Variants in FOXN2 observed in about 807,000 individuals in gnomAD.
FOXN2 encodes forkhead box N2, also known as forkhead box protein N2.
A neutral mutation model predicts 41.2 loss-of-function variants in FOXN2; 19 were observed. The ratio of observed to expected loss-of-function variants is 0.46; its 90% CI spans 0.32 to 0.68. The LOEUF is 0.68. Ranked by LOEUF, FOXN2 falls within the 30% of genes least tolerant of loss-of-function variation. The probability of loss-of-function intolerance (pLI) is 0.03; values close to 1 mark genes in which losing one functional copy is unlikely to be tolerated. For synonymous variants in FOXN2, 195 were observed against 176.8 expected (o/e 1.10, Z -0.82); for missense variants, 587 against 509.4 (o/e 1.15, Z -1.47).
At chr2:48,337,291 C>CTTTT (rs368224826) in intron 2 of FOXN2, among the ~76,000 whole-genome samples, 1 of 140,546 alleles carries the variant, frequency 7.1e-6, no homozygotes. Context: ...GATTGGATCT[C>CTTTT]TTTTTTTTTT....
intron 3 of FOXN2, among the ~76,000 whole-genome samples, chr2:48,348,532 A>G (rs996654939): frequency 2.0e-5 from 3 of 152,182 alleles, no homozygotes; most frequent in Admixed American, 6.6e-5. Context: ...TATGTATTTT[A>G]TAATTTTGGA....
chr2:48,351,311 T>C (rs1346581386), intron 3 of FOXN2, among the ~76,000 whole-genome samples: 1 of 152,162 alleles, frequency 6.6e-6, no homozygotes, highest in Admixed American at 6.5e-5. Context: ...AGAGTCTCCC[T>C]CTATCGCCCA....
At chr2:48,336,536 A>G (rs1463503782) in intron 2 of FOXN2, among the ~76,000 whole-genome samples, 1 of 151,880 alleles carries the variant, frequency 6.6e-6, no homozygotes, top group Non-Finnish European at 1.5e-5. Context: ...ATAAGGTGAC[A>G]TTTCAGTGAT....
chr2:48,344,607 A>G (rs980453753), intron 2 of FOXN2, among the ~76,000 whole-genome samples: 1 of 152,236 alleles, frequency 6.6e-6, no homozygotes, highest in African/African-American at 2.4e-5. Context: ...TAAATTGTTT[A>G]GCACAATGCC....
At chr2:48,373,019 T>C (rs1331417330) in intron 5 of FOXN2, among the ~76,000 whole-genome samples, 3 of 152,120 alleles carry the variant, frequency 2.0e-5, no homozygotes, top group Non-Finnish European at 4.4e-5. Flanking sequence ...TTCGTTTTCA[T>C]TGTGAATAAT....
At chr2:48,315,530 G>C (rs1419488032) in intron 1 of FOXN2, among the ~76,000 whole-genome samples, 1 of 152,158 alleles carries the variant, frequency 6.6e-6, no homozygotes, top group African/African-American at 2.4e-5. Flanking sequence ...CGCCTCCTTT[G>C]GGGCCGTGGT....
At chr2:48,317,293 A>G (rs1668981127) in intron 1 of FOXN2, among the ~76,000 whole-genome samples, 1 of 152,048 alleles carries the variant, frequency 6.6e-6, no homozygotes, top group Admixed American at 6.5e-5. Flanking sequence ...TACCAAAAAT[A>G]CAAAAATTAG....
chr2:48,355,126 A>ATT (rs1313176204), intron 3 of FOXN2, among the ~76,000 whole-genome samples: 2 of 152,166 alleles, frequency 1.3e-5, no homozygotes, highest in African/African-American at 4.8e-5. Flanking sequence ...CAGTGGTATT[A>ATT]TTTTTAGTAA....
intron 2 of FOXN2, among the ~76,000 whole-genome samples, chr2:48,331,187 A>G (rs1193905105): frequency 2.0e-5 from 3 of 152,222 alleles, no homozygotes; most frequent in African/African-American, 4.8e-5. Context: ...TTGGGCTATC[A>G]AGAATTGACT....
intron 5 of FOXN2, among the ~76,000 whole-genome samples, chr2:48,370,484 T>C (rs1451261421): frequency 6.6e-6 from 1 of 152,206 alleles, no homozygotes; most frequent in Non-Finnish European, 1.5e-5. Flanking sequence ...GTAGCCTACC[T>C]TCTCCTTCAG....
At chr2:48,340,359 A>G (rs1232701620) in intron 2 of FOXN2, among the ~76,000 whole-genome samples, 1 of 152,172 alleles carries the variant, frequency 6.6e-6, no homozygotes, top group African/African-American at 2.4e-5. Context: ...CTAAGCAAAA[A>G]TGCTCTCCTA....
At chr2:48,339,588 G>A (rs555239310) in intron 2 of FOXN2, among the ~76,000 whole-genome samples, 2 of 152,172 alleles carry the variant, frequency 1.3e-5, no homozygotes, top group Admixed American at 6.5e-5. Flanking sequence ...GTGTAGAAAC[G>A]GACTAATACA....
At chr2:48,314,543 C>T (rs997815626), upstream of FOXN2, 45 of 152,236 alleles carry the variant, frequency 3.0e-4, no homozygotes, top group Admixed American at 2.9e-3. Flanking sequence ...GCCGAGCCCC[C>T]TTCCTCGGGG....
chr2:48,347,496 G>T (rs1671186567), intron 3 of FOXN2, among the ~76,000 whole-genome samples: 1 of 151,448 alleles, frequency 6.6e-6, no homozygotes, highest in Non-Finnish European at 1.5e-5. Flanking sequence ...CAAAGTGTTG[G>T]GATTACAAGT....
chr2:48,368,797 T>A (rs551728086), intron 5 of FOXN2, among the ~76,000 whole-genome samples: 1 of 152,364 alleles, frequency 6.6e-6, no homozygotes, highest in African/African-American at 2.4e-5. Flanking sequence ...TTCAAGACTG[T>A]ACCTTGGACA....
Position 48,352,235 on chromosome 2 carries a change from CAG to C in FOXN2, c.537+5488_537+5489del, listed in dbSNP as rs150663687. 6.6e-3 allele frequency among the ~76,000 whole-genome samples: 1,004 copies of C among 152,298 alleles called. 14 individuals are homozygous for C. Among genetic ancestry groups the C allele is most frequent in the African/African-American group, 0.023 (942 of 41,556 alleles). On this transcript the variant is annotated intron_variant, in intron 3 of 6. Transcript: ENST00000340553. The stretch of plus-strand genomic sequence containing the variant: ...GTTACAGTTAGTAGTACCATGCAAA[CAG>C]AGATAGTTTCAGTGAAGATGTGGGA...
intron 1 of FOXN2, among the ~76,000 whole-genome samples, chr2:48,318,099 G>C (rs1669055145): frequency 6.6e-6 from 1 of 151,942 alleles, no homozygotes; most frequent in South Asian, 2.1e-4. Context: ...TAGTTTTATA[G>C]TTACAGAAAA....
chr2:48,335,227 TAAA>T (rs554693756), intron 2 of FOXN2, among the ~76,000 whole-genome samples: 73 of 152,290 alleles, frequency 4.8e-4, no homozygotes, highest in Non-Finnish European at 9.0e-4. Flanking sequence ...GTAACAGGCT[TAAA>T]AATGAAGAAA....
rs1171863565 is a variant in FOXN2, at chr2:48,374,967, T to C, written c.820T>C (p.Tyr274His). 5 of 1,613,724 alleles carry C rather than the reference T, an allele frequency of 3.1e-6. No homozygotes were observed. The highest frequency in any genetic ancestry group is 4.2e-6 in the Non-Finnish European group (5 of 1,179,850). ...LKTALQKKRS[Y>H]GNAFHHPSAV... ...AACAGCATTGCAAAAAAAGAGGAGTTACGGCAATGCATTTCATCATCCCAG... is the reference window on the plus strand; with the variant it reads ...AACAGCATTGCAAAAAAAGAGGAGTCACGGCAATGCATTTCATCATCCCAG... The change falls in exon 7 of 7, where the codon TAC becomes CAC. Residue 274 changes from tyrosine to histidine, a missense_variant. Coordinates refer to ENST00000340553, the MANE Select transcript of FOXN2 (RefSeq NM_002158.4).
Sources: gnomAD v4.1 joint callset for allele counts (sites outside exome capture counted in the v4.1 genomes callset) on GRCh38, gnomAD v4.1.1 for gene constraint, MANE v1.5 for transcripts, NCBI Gene and HGNC (gene_info 2026-07-23, HGNC 2026-07-21) for gene names.